KCTD3: variants seen among roughly 807,000 people sequenced by gnomAD.
KCTD3 encodes the protein potassium channel tetramerization domain containing 3.
KCTD3 carries 41 observed loss-of-function variants against 85.8 expected under a neutral mutation model. The observed-to-expected ratio is 0.48, with a 90% CI of 0.37 to 0.62. The LOEUF (loss-of-function observed/expected upper bound fraction) is 0.62, where lower values mean the gene tolerates loss of function less well. Ranked by LOEUF, KCTD3 falls within the 20% of genes least tolerant of loss-of-function variation. KCTD3 has a pLI of 0.00. For synonymous variants in KCTD3, 338 were observed against 345.4 expected, an observed-to-expected ratio of 0.98 and a Z score of 0.24; for missense variants, 724 against 989.9, an observed-to-expected ratio of 0.73 and a Z score of 3.60.
intron 14 of KCTD3, among the ~76,000 whole-genome samples, chr1:215,611,026 A>G (rs973588292): frequency 6.6e-6 from 1 of 151,968 alleles, no homozygotes; most frequent in African/African-American, 2.4e-5. Flanking sequence ...TTGTAAGTTG[A>G]TATTATTTTA....
intron 9 of KCTD3, among the ~76,000 whole-genome samples, chr1:215,590,854 A>G (rs1660179834): frequency 6.6e-6 from 1 of 152,112 alleles, no homozygotes; most frequent in African/African-American, 2.4e-5. Flanking sequence ...AGTTTTGATT[A>G]TGTGCTGTAC....
chr1:215,583,552 CCTTGTTACG>C (rs1195939060), intron 8 of KCTD3, among the ~76,000 whole-genome samples: 1 of 152,130 alleles, frequency 6.6e-6, no homozygotes, highest in Non-Finnish European at 1.5e-5. Flanking sequence ...TGCTGACCTT[CCTTGTTACG>C]CTGTGACTAA....
Position 215,579,011 on chromosome 1 carries a change from C to A in KCTD3, c.409C>A (p.Arg137Ser). Reference sequence around the variant, plus strand: ...TCTTCTCTTTATAGGTATTCCTAGTCGTAAAATAAACAACACAGTCAGATC... The same window carrying A: ...TCTTCTCTTTATAGGTATTCCTAGTAGTAAAATAAACAACACAGTCAGATC... ...GYLPPPGIPSRKINNTVRSAD... is the reference protein window; with the variant it reads ...GYLPPPGIPSSKINNTVRSAD... The change falls in exon 7 of 18, where the codon CGT becomes AGT. Residue 137 changes from arginine (R) to serine (S), a missense_variant. Arg to Ser is a moderately radical substitution (Grantham distance 110). Transcript: ENST00000259154. The A allele has an allele frequency of 6.4e-7, 1 of 1,552,818 alleles. No individual in the cohort carries two copies. The highest frequency in any genetic ancestry group is 1.2e-5 in the South Asian group (1 of 82,896).
At chr1:215,593,618 A>G (rs1660301168) in intron 9 of KCTD3, among the ~76,000 whole-genome samples, 1 of 152,116 alleles carries the variant, frequency 6.6e-6, no homozygotes, top group African/African-American at 2.4e-5. Context: ...TGTTTTTCCC[A>G]TGAGTTCTTC....
intron 12 of KCTD3, among the ~76,000 whole-genome samples, chr1:215,603,297 T>C (rs990039214): frequency 6.6e-6 from 1 of 152,076 alleles, no homozygotes; most frequent in African/African-American, 2.4e-5. Context: ...CATGACATGC[T>C]TTTTTTCCTT....
At chr1:215,605,651 CA>C (rs1654991226) in intron 13 of KCTD3, among the ~76,000 whole-genome samples, 1 of 152,034 alleles carries the variant, frequency 6.6e-6, no homozygotes, top group Admixed American at 6.6e-5. Context: ...TTAAGTTGGA[CA>C]AAATAAAACT....
intron 15 of KCTD3, among the ~76,000 whole-genome samples, chr1:215,617,215 C>T (rs1357045875): frequency 2.6e-5 from 4 of 152,170 alleles, no homozygotes; most frequent in South Asian, 2.1e-4. Context: ...GTAATTAACT[C>T]GTAAATGCGA....
At chr1:215,576,381 T>C (rs1243858049) in intron 4 of KCTD3, among the ~76,000 whole-genome samples, 3 of 151,434 alleles carry the variant, frequency 2.0e-5, no homozygotes, top group African/African-American at 7.3e-5. Context: ...AAAAGGTTTT[T>C]TTTTTTTTAC....
intron 14 of KCTD3, 106 bp downstream of exon 14, chr1:215,608,278 A>G (rs1040923238): frequency 8.3e-5 from 58 of 696,594 alleles, no homozygotes; most frequent in Admixed American, 4.6e-4. Flanking sequence ...CAAATTTTCC[A>G]TTTTAATTTT....
rs557164651 is a variant in KCTD3 at position 215,608,992 on chromosome 1, G to T, written c.1465+820G>T. Among the ~76,000 whole-genome samples the T allele has an allele frequency of 3.3e-5, 5 of 152,030 alleles. No individual in the cohort carries two copies. In the East Asian group the frequency reaches 9.6e-4, roughly 29 times the overall value. On this transcript the variant is annotated intron_variant, in intron 14 of 17. Transcript: ENST00000259154. ...TTCTAGATATTAGAAATTTTAAAAA[G>T]TGCGGTGAACATCAACTTACAATGT... is the stretch of plus-strand genomic sequence containing the variant.
chr1:215,611,840 G>T lies in KCTD3; in HGVS notation c.1481G>T (p.Arg494Leu). The T allele has an allele frequency of 6.2e-7, 1 of 1,604,454 alleles. No individual in the cohort carries two copies. The highest frequency in any genetic ancestry group is 8.5e-7 in the Non-Finnish European group (1 of 1,173,822). ...TCTGATCAAGGACCTTTTGGAGAGC[G>T]AGACGATCAACAGGTGTTTATCCAG... ...SGNDIGPFGERDDQQVFIQKV... is the reference protein window; with the variant it reads ...SGNDIGPFGELDDQQVFIQKV... Residue 494 changes from arginine (R) to leucine (L), a missense_variant, in exon 15 of 18, where the codon CGA (arginine) becomes CTA (leucine). By Grantham distance (102) the Arg-to-Leu change is moderately radical. Transcript: ENST00000259154.
At chr1:215,613,153 T>G (rs1185911195) in intron 15 of KCTD3, among the ~76,000 whole-genome samples, 2 of 152,170 alleles carry the variant, frequency 1.3e-5, no homozygotes, top group Non-Finnish European at 2.9e-5. Context: ...GGGAAAAAGT[T>G]TTTTGCATGT....
At chr1:215,576,088 T>C in intron 4 of KCTD3, 114 bp downstream of exon 4, 1 of 645,888 alleles carries the variant, frequency 1.5e-6, no homozygotes, top group South Asian at 1.9e-5. Context: ...TGAGTTGCAG[T>C]CTTGCTCTGT....
chr1:215,603,580 A>G (rs964938916), intron 12 of KCTD3, among the ~76,000 whole-genome samples: 6 of 152,238 alleles, frequency 3.9e-5, no homozygotes, highest in African/African-American at 1.4e-4. Context: ...CTTAAATAGT[A>G]TATTTAATGC....
At chr1:215,588,888 G>A (rs1660117292) in intron 9 of KCTD3, among the ~76,000 whole-genome samples, 1 of 152,100 alleles carries the variant, frequency 6.6e-6, no homozygotes, top group Admixed American at 6.5e-5. Flanking sequence ...CTGTATTATT[G>A]AAAAGTTACC....
rs186867519 is a variant in KCTD3, at chr1:215,586,887, T to A, written c.817+202T>A. On this transcript the variant is annotated intron_variant, in intron 9 of 17. Coordinates refer to ENST00000259154, the MANE Select transcript of KCTD3 (RefSeq NM_016121.5). ...CATGGGGAACATCTTTTCACCACTT[T>A]AAGTGAAACCTGGCTGCTCTATGAA... 7.2e-5 allele frequency among the ~76,000 whole-genome samples: 11 copies of A among 152,294 alleles called. No homozygotes were observed. The East Asian group carries it at 9.7e-4, about 13-fold the overall frequency.
intron 7 of KCTD3, among the ~76,000 whole-genome samples, 168 bp downstream of exon 7, chr1:215,579,305 T>C (rs1371192953): frequency 6.6e-6 from 1 of 152,206 alleles, no homozygotes; most frequent in East Asian, 1.9e-4. Context: ...ATTTAAAATG[T>C]TGTGTAATCT....
intron 8 of KCTD3, among the ~76,000 whole-genome samples, chr1:215,580,296 CTG>C (rs1241071102): frequency 6.6e-6 from 1 of 152,136 alleles, no homozygotes; most frequent in Admixed American, 6.5e-5. Context: ...GCTTCTGAGA[CTG>C]TAGTATATAA....
At chr1:215,577,571 T>TA in intron 4 of KCTD3, 99 bp from the exon 5 acceptor site, 1 of 749,400 alleles carries the variant, frequency 1.3e-6, no homozygotes, top group African/African-American at 1.7e-5. Context: ...TAAAGCCTTA[T>TA]GACTATATAC....
Sources: allele counts gnomAD v4.1 joint callset (sites outside exome capture counted in the v4.1 genomes callset), GRCh38; gene constraint gnomAD v4.1.1; transcripts MANE v1.5; gene names NCBI Gene and HGNC (gene_info 2026-07-23, HGNC 2026-07-21).